The following CAB39 variants were observed in gnomAD, a reference collection of about 807,000 sequenced individuals.
CAB39 encodes the protein calcium binding protein 39, also known as calcium-binding protein 39.
CAB39 carries 8 observed loss-of-function variants against 40.0 expected under a neutral mutation model. The ratio of observed to expected loss-of-function variants is 0.20; its 90% CI spans 0.12 to 0.36. The LOEUF (loss-of-function observed/expected upper bound fraction) is 0.36, where lower values mean the gene tolerates loss of function less well. CAB39 is among the 10% of genes least tolerant of loss of function. CAB39 has a pLI of 1.00. For synonymous variants in CAB39, 156 were observed against 141.6 expected, an observed-to-expected ratio of 1.10 and a Z score of -0.72; for missense variants, 270 against 401.1, an observed-to-expected ratio of 0.67 and a Z score of 2.79.
intron 1 of CAB39, among the ~76,000 whole-genome samples, chr2:230,724,974 C>CA (rs1446232566): frequency 6.6e-6 from 1 of 150,876 alleles, no homozygotes; most frequent in Non-Finnish European, 1.5e-5. Context: ...AGCGAGAATC[C>CA]AAAAAAAAGT....
intron 1 of CAB39, among the ~76,000 whole-genome samples, chr2:230,742,144 TTTTTG>T (rs1299598126): frequency 1.3e-4 from 19 of 148,020 alleles, no homozygotes; most frequent in South Asian, 4.3e-4. Flanking sequence ...AGATAAGTCT[TTTTTG>T]TTTTGTTTTG....
Position 230,746,371 on chromosome 2 carries a change from A to C in CAB39, c.-43-13588A>C, listed in dbSNP as rs79883094. 4.1e-3 allele frequency among the ~76,000 whole-genome samples: 622 copies of C among 152,338 alleles called. 4 individuals are homozygous for C. The highest frequency in any genetic ancestry group is 0.014 in the African/African-American group (588 of 41,570). On this transcript the variant is annotated intron_variant, in intron 1 of 8. Transcript: ENST00000258418. ...ACATCACAGTATGTAACACACCTTA[A>C]TCAATGACTCATTCCAGTTTAACAC...
intron 7 of CAB39, among the ~76,000 whole-genome samples, chr2:230,814,834 G>A (rs1258506937): frequency 2.0e-5 from 3 of 152,204 alleles, no homozygotes; most frequent in Admixed American, 2.0e-4. Flanking sequence ...TAGCAGTTAA[G>A]AAGTGCATAC....
intron 1 of CAB39, among the ~76,000 whole-genome samples, chr2:230,732,126 A>C (rs1211780231): frequency 2.0e-5 from 3 of 151,812 alleles, no homozygotes; most frequent in Admixed American, 1.3e-4. Flanking sequence ...CTCTCACCCA[A>C]GCTGGAGGGC....
chr2:230,814,216 G>T, intron 7 of CAB39, 102 bp downstream of exon 7: 1 of 604,134 alleles, frequency 1.7e-6, no homozygotes, highest in South Asian at 2.8e-5. Context: ...GACCTTTGGG[G>T]GAAATAAATA....
At chr2:230,757,101 TTTC>T (rs1220060362) in intron 1 of CAB39, among the ~76,000 whole-genome samples, 1 of 152,140 alleles carries the variant, frequency 6.6e-6, no homozygotes, top group Non-Finnish European at 1.5e-5. Context: ...TGTTACTGTG[TTTC>T]TTTTCCTCCT....
At chr2:230,797,977 G>T (rs778386016) in intron 4 of CAB39, among the ~76,000 whole-genome samples, 4 of 152,176 alleles carry the variant, frequency 2.6e-5, no homozygotes, top group Admixed American at 6.5e-5. Context: ...CGATGTGTTT[G>T]AGGGGGCGGA....
At chr2:230,739,620 A>G (rs1452595000) in intron 1 of CAB39, among the ~76,000 whole-genome samples, 1 of 152,174 alleles carries the variant, frequency 6.6e-6, no homozygotes, top group Non-Finnish European at 1.5e-5. Context: ...TCAGCCTCCC[A>G]AGTGGCTAGG....
chr2:230,768,431 G>A (rs945373018), intron 2 of CAB39, among the ~76,000 whole-genome samples: 4 of 152,140 alleles, frequency 2.6e-5, no homozygotes, highest in African/African-American at 9.7e-5. Flanking sequence ...GGTGATCAGG[G>A]GACATTTTTC....
At chr2:230,719,061 C>T (rs1430457629) in intron 1 of CAB39, among the ~76,000 whole-genome samples, 1 of 152,112 alleles carries the variant, frequency 6.6e-6, no homozygotes, top group African/African-American at 2.4e-5. Flanking sequence ...GTTTAATATA[C>T]TAATATTCAT....
chr2:230,806,083 G>A (rs2124975424), intron 5 of CAB39, among the ~76,000 whole-genome samples: 1 of 152,110 alleles, frequency 6.6e-6, no homozygotes, highest in East Asian at 1.9e-4. Context: ...ATAAAATATG[G>A]GATGGAGGAA....
intron 1 of CAB39, chr2:230,725,168 C>A: frequency 6.2e-7 from 1 of 1,613,238 alleles, no homozygotes; most frequent in African/African-American, 1.3e-5. Flanking sequence ...GCACCACTCT[C>A]GAAGGCAGTC....
At chr2:230,751,832 G>A (rs1695090494) in intron 1 of CAB39, among the ~76,000 whole-genome samples, 1 of 152,096 alleles carries the variant, frequency 6.6e-6, no homozygotes, top group Non-Finnish European at 1.5e-5. Context: ...ATAAAAAGGA[G>A]AATATATGCC....
intron 2 of CAB39, among the ~76,000 whole-genome samples, chr2:230,777,488 C>T (rs1695615359): frequency 6.6e-6 from 1 of 150,382 alleles, no homozygotes; most frequent in African/African-American, 2.4e-5. Context: ...GGCATAATCT[C>T]AGCTCACTGC....
At chr2:230,742,822 A>C (rs1288969540) in intron 1 of CAB39, among the ~76,000 whole-genome samples, 1 of 152,040 alleles carries the variant, frequency 6.6e-6, no homozygotes, top group East Asian at 1.9e-4. Flanking sequence ...GGAAAGGTTA[A>C]TAGGTCCTAG....
intron 5 of CAB39, among the ~76,000 whole-genome samples, chr2:230,808,554 C>T (rs531453184): frequency 6.6e-5 from 10 of 152,342 alleles, no homozygotes; most frequent in African/African-American, 2.4e-4. Flanking sequence ...TGGAAATTCT[C>T]TTACCACTTT....
At chr2:230,730,377 C>G (rs990813259) in intron 1 of CAB39, among the ~76,000 whole-genome samples, 6 of 151,814 alleles carry the variant, frequency 4.0e-5, no homozygotes, top group Non-Finnish European at 8.8e-5. Flanking sequence ...GATAATTAAG[C>G]TACCCTTTAT....
Position 230,803,762 on chromosome 2 carries a change from C to T in CAB39, c.567+4865C>T, listed in dbSNP as rs1357238798. Among the ~76,000 whole-genome samples the T allele has an allele frequency of 2.6e-5, 4 of 151,830 alleles. No homozygotes were observed. In the East Asian group the frequency reaches 5.8e-4, roughly 22 times the overall value. ...TCAACGAAATAGAAGAGGACACAAACGGAAGAACATTCCATGCTCATGGAT... is the reference window on the plus strand; with the variant it reads ...TCAACGAAATAGAAGAGGACACAAATGGAAGAACATTCCATGCTCATGGAT... On this transcript the variant is annotated intron_variant, in intron 5 of 8. Coordinates refer to ENST00000258418, the MANE Select transcript of CAB39 (RefSeq NM_016289.4).
chr2:230,740,574 C>G (rs1044863146), intron 1 of CAB39, among the ~76,000 whole-genome samples: 1 of 152,124 alleles, frequency 6.6e-6, no homozygotes, highest in Non-Finnish European at 1.5e-5. Flanking sequence ...ACATGCAGGG[C>G]AGGGGATGGT....
Sources: gnomAD v4.1 joint callset for allele counts (sites outside exome capture counted in the v4.1 genomes callset) on GRCh38, gnomAD v4.1.1 for gene constraint, MANE v1.5 for transcripts, NCBI Gene and HGNC (gene_info 2026-07-23, HGNC 2026-07-21) for gene names.